PRKCE: variants seen among roughly 807,000 people sequenced by gnomAD.
PRKCE encodes protein kinase C epsilon type.
Under a neutral mutation model 85.4 loss-of-function variants are expected in PRKCE, and 16 were observed. The observed-to-expected ratio is 0.19, with a 90% CI of 0.13 to 0.28. PRKCE has a LOEUF of 0.28. PRKCE is among the 10% of genes least tolerant of loss of function. The pLI is 1.00. For synonymous variants in PRKCE, 388 were observed against 371.5 expected (o/e 1.04, Z -0.51); for missense variants, 573 against 975.2 (o/e 0.59, Z 5.49).
intron 1 of PRKCE, among the ~76,000 whole-genome samples, chr2:45,718,550 G>A (rs1452335462): frequency 6.6e-6 from 1 of 151,862 alleles, no homozygotes; most frequent in Non-Finnish European, 1.5e-5. Context: ...CACCATGTTG[G>A]CCAGGATGGT....
intron 1 of PRKCE, among the ~76,000 whole-genome samples, chr2:45,746,169 G>C (rs781693572): frequency 6.6e-6 from 1 of 151,936 alleles, no homozygotes; most frequent in Non-Finnish European, 1.5e-5. Flanking sequence ...ATTTGTATTT[G>C]TAGGGAAAGC....
intron 1 of PRKCE, among the ~76,000 whole-genome samples, chr2:45,771,604 C>T (rs1054705466): frequency 6.6e-6 from 1 of 152,194 alleles, no homozygotes; most frequent in African/African-American, 2.4e-5. Context: ...TCCTGGCCAT[C>T]TTCCTCTTCC....
In PRKCE at chr2:46,166,171, G is replaced by T. The variant is rs185065778; in HGVS notation, c.2067+6419G>T. The stretch of plus-strand genomic sequence containing the variant: ...AACCTGGGAAGTGGGCTCGAGACCC[G>T]CACACTTCACCAACTTAGCGACCTG... On this transcript the variant is annotated intron_variant, in intron 14 of 14. Coordinates refer to ENST00000306156, the MANE Select transcript of PRKCE (RefSeq NM_005400.3). Among the ~76,000 whole-genome samples the T allele has an allele frequency of 7.6e-4, 116 of 152,306 alleles. 1 individual carries two copies. Among genetic ancestry groups the T allele is most frequent in the Admixed American group, 1.7e-3 (26 of 15,306 alleles).
At chr2:46,114,772 G>A (rs984356941) in intron 11 of PRKCE, among the ~76,000 whole-genome samples, 51 of 152,146 alleles carry the variant, frequency 3.4e-4, no homozygotes, top group African/African-American at 1.1e-3. Flanking sequence ...AAGAAAGCCC[G>A]TTCACTGTGC....
In PRKCE at chr2:46,145,560, G is replaced by A. The variant is rs1459668652; in HGVS notation, c.1731+329G>A. The stretch of plus-strand genomic sequence containing the variant: ...GAAAAACGTGTTGACTTTTATTATT[G>A]TTTTCATGTCTTTAAAATCAGAACA... On this transcript the variant is annotated intron_variant, in intron 12 of 14. Coordinates refer to ENST00000306156, the MANE Select transcript of PRKCE (RefSeq NM_005400.3). This position sits in a 1 kb window ranked among gnomAD's most constrained non-coding sequence, Gnocchi z 4.6. Among the ~76,000 whole-genome samples, 1 of 152,112 alleles carries A rather than the reference G, an allele frequency of 6.6e-6. No homozygotes were observed. Among genetic ancestry groups the A allele is most frequent in the Non-Finnish European group, 1.5e-5 (1 of 68,016 alleles).
chr2:45,998,048 A>C (rs978310341), intron 6 of PRKCE, among the ~76,000 whole-genome samples: 2 of 151,868 alleles, frequency 1.3e-5, no homozygotes, highest in African/African-American at 4.8e-5. Context: ...AAATTTGTTA[A>C]GGTGTATTTT....
intron 10 of PRKCE, among the ~76,000 whole-genome samples, chr2:46,048,846 C>T (rs1708683377): frequency 6.6e-6 from 1 of 152,198 alleles, no homozygotes; most frequent in Admixed American, 6.5e-5. Context: ...CTCAGTGTGA[C>T]TCTTGCCCTC....
intron 14 of PRKCE, among the ~76,000 whole-genome samples, chr2:46,176,380 C>A (rs1679436557): frequency 6.6e-6 from 1 of 151,960 alleles, no homozygotes; most frequent in Non-Finnish European, 1.5e-5. Context: ...ACGGAAGAAT[C>A]TGCTCTGCCT....
intron 2 of PRKCE, among the ~76,000 whole-genome samples, chr2:45,859,784 T>C (rs1692994963): frequency 6.6e-6 from 1 of 152,206 alleles, no homozygotes; most frequent in Non-Finnish European, 1.5e-5. Context: ...GAACAAATCA[T>C]GTCACATATC....
At chr2:45,670,565 A>G (rs1055849520) in intron 1 of PRKCE, among the ~76,000 whole-genome samples, 8 of 152,246 alleles carry the variant, frequency 5.3e-5, no homozygotes, top group African/African-American at 1.2e-4. Flanking sequence ...CCAGTTTAAA[A>G]AAACATTGAG....
chr2:45,974,977 A>G (rs1275069965), intron 2 of PRKCE, among the ~76,000 whole-genome samples: 1 of 152,106 alleles, frequency 6.6e-6, no homozygotes, highest in Admixed American at 6.5e-5. Context: ...GATGAAAGCC[A>G]CTCAGATGAG....
chr2:45,733,132 G>T (rs1486384942), intron 1 of PRKCE, among the ~76,000 whole-genome samples: 1 of 152,150 alleles, frequency 6.6e-6, no homozygotes, highest in Admixed American at 6.5e-5. Context: ...TGTGGCTTAG[G>T]GCTTGAGAGT....
At chr2:45,866,671 G>A (rs1182961898) in intron 2 of PRKCE, among the ~76,000 whole-genome samples, 12 of 151,484 alleles carry the variant, frequency 7.9e-5, no homozygotes, top group Admixed American at 7.9e-4. Flanking sequence ...CGTTGTTCAG[G>A]ATGTAGCCAC....
At chr2:45,948,255 C>T (rs953885496) in intron 2 of PRKCE, among the ~76,000 whole-genome samples, 3 of 152,158 alleles carry the variant, frequency 2.0e-5, no homozygotes, top group African/African-American at 7.2e-5. Context: ...CATACAGAGC[C>T]TTTAAAAACA....
At chr2:45,896,190 G>C (rs745924692) in intron 2 of PRKCE, among the ~76,000 whole-genome samples, 18 of 152,156 alleles carry the variant, frequency 1.2e-4, no homozygotes, top group Non-Finnish European at 1.9e-4. Context: ...TGCCTAGAGT[G>C]GTCTGTGTGG....
At chr2:46,176,930 T>C (rs1396303506) in intron 14 of PRKCE, among the ~76,000 whole-genome samples, 1 of 152,224 alleles carries the variant, frequency 6.6e-6, no homozygotes, top group Non-Finnish European at 1.5e-5. Flanking sequence ...GGCATTTGCA[T>C]TGTATTTTAG....
intron 1 of PRKCE, among the ~76,000 whole-genome samples, chr2:45,784,526 T>C (rs1429016910): frequency 6.6e-6 from 1 of 152,254 alleles, no homozygotes; most frequent in Non-Finnish European, 1.5e-5. Flanking sequence ...TAATTTGATG[T>C]CTTCCCAGTT....
chr2:45,686,128 T>C (rs1677279538), intron 1 of PRKCE, among the ~76,000 whole-genome samples: 1 of 151,664 alleles, frequency 6.6e-6, no homozygotes. Flanking sequence ...AGGGAAGGAG[T>C]ATGCAAGCAG....
chr2:46,081,017 G>T (rs1400773917), intron 10 of PRKCE, among the ~76,000 whole-genome samples: 1 of 145,022 alleles, frequency 6.9e-6, no homozygotes, highest in Non-Finnish European at 1.5e-5. Flanking sequence ...TTAGAGGCAG[G>T]GTTTCACCGT....
Sources: allele counts gnomAD v4.1 joint callset (sites outside exome capture counted in the v4.1 genomes callset), GRCh38; gene constraint gnomAD v4.1.1; non-coding constraint Gnocchi (gnomAD v3.1); transcripts MANE v1.5; gene names NCBI Gene and HGNC (gene_info 2026-07-23, HGNC 2026-07-21).